Variants in SH3BGRL2 observed in about 807,000 individuals in gnomAD.
SH3BGRL2 encodes the protein SH3 domain binding glutamate rich protein like 2, also known as SH3 domain-binding glutamic acid-rich-like protein 2.
Under a neutral mutation model 14.8 loss-of-function variants are expected in SH3BGRL2, and 21 were observed. That is an observed-to-expected ratio of 1.42 (90% confidence interval 1.01 to 2.05). The LOEUF (loss-of-function observed/expected upper bound fraction) is 2.05. SH3BGRL2 is among the 30% of genes most tolerant of loss of function. SH3BGRL2 has a pLI of 0.00. For missense variants in SH3BGRL2, 147 were observed against 130.8 expected, an observed-to-expected ratio of 1.12 and a Z score of -0.61; for synonymous variants, 50 against 47.8, an observed-to-expected ratio of 1.05 and a Z score of -0.19.
At chr6:79,558,584 G>T in the SH3BGRL2 span, among the ~76,000 whole-genome samples, 307 of 152,142 alleles carry the variant, frequency 2.0e-3, 1 homozygote, top group African/African-American at 6.9e-3. Context: ...AGAAAGATTG[G>T]CCCGGTGCGG....
At chr6:79,682,383 T>C (rs944646512) in intron 2 of SH3BGRL2, among the ~76,000 whole-genome samples, 1 of 152,218 alleles carries the variant, frequency 6.6e-6, no homozygotes, top group Non-Finnish European at 1.5e-5. Flanking sequence ...TTCTTCATGC[T>C]TCAAAACAGA....
the SH3BGRL2 span, among the ~76,000 whole-genome samples, chr6:79,565,099 G>T: frequency 6.6e-6 from 1 of 152,088 alleles, no homozygotes; most frequent in East Asian, 1.9e-4. Flanking sequence ...CTCCACAAGA[G>T]AAAGAGAATG....
chr6:79,693,752 C>T (rs978835428), intron 2 of SH3BGRL2, among the ~76,000 whole-genome samples: 6 of 152,190 alleles, frequency 3.9e-5, no homozygotes, highest in African/African-American at 9.6e-5. Flanking sequence ...CTGCTGGATT[C>T]GGTTTATCAA....
At chr6:79,581,043 A>G in the SH3BGRL2 span, among the ~76,000 whole-genome samples, 2 of 152,208 alleles carry the variant, frequency 1.3e-5, no homozygotes, top group Non-Finnish European at 2.9e-5. Context: ...ATCTACAAGA[A>G]ATGGATAAAT....
chr6:79,674,223 G>A (rs1582731833), intron 2 of SH3BGRL2, among the ~76,000 whole-genome samples: 1 of 151,910 alleles, frequency 6.6e-6, no homozygotes, highest in Non-Finnish European at 1.5e-5. Context: ...AGTAGAGGGG[G>A]ATAATTATCT....
the SH3BGRL2 span, among the ~76,000 whole-genome samples, chr6:79,611,271 A>G: frequency 5.9e-5 from 9 of 152,280 alleles, no homozygotes; most frequent in African/African-American, 2.2e-4. Flanking sequence ...GTGCCTAGCA[A>G]TATTCCTGAC....
chr6:79,582,231 A>G, the SH3BGRL2 span, among the ~76,000 whole-genome samples: 1 of 152,208 alleles, frequency 6.6e-6, no homozygotes, highest in South Asian at 2.1e-4. Context: ...TATAGATTCA[A>G]TGCCATCCCC....
chr6:79,586,802 C>T, the SH3BGRL2 span, among the ~76,000 whole-genome samples: 17 of 152,174 alleles, frequency 1.1e-4, no homozygotes, highest in Admixed American at 7.2e-4. Flanking sequence ...CACCCTTCTT[C>T]ACACTGCAAA....
the SH3BGRL2 span, among the ~76,000 whole-genome samples, chr6:79,588,180 C>G: frequency 6.6e-6 from 1 of 151,648 alleles, no homozygotes; most frequent in Admixed American, 6.6e-5. Context: ...GTAGTCCCAG[C>G]TACTCGGGAG....
chr6:79,540,396 C>G, the SH3BGRL2 span, among the ~76,000 whole-genome samples: 4 of 152,006 alleles, frequency 2.6e-5, no homozygotes, highest in East Asian at 1.9e-4. Flanking sequence ...GATCGCGCCA[C>G]TGCACTCCAG....
intron 1 of SH3BGRL2, among the ~76,000 whole-genome samples, chr6:79,657,506 A>T (rs1478502627): frequency 1.3e-5 from 2 of 152,206 alleles, no homozygotes; most frequent in African/African-American, 4.8e-5. Context: ...GAAGACGCTG[A>T]TTTTAGTCTT....
intron 1 of SH3BGRL2, among the ~76,000 whole-genome samples, chr6:79,635,741 C>A (rs1768909728): frequency 6.6e-6 from 1 of 152,170 alleles, no homozygotes. Context: ...TGGAAGCAAA[C>A]TTGGAAATCA....
the SH3BGRL2 span, among the ~76,000 whole-genome samples, chr6:79,608,266 C>T: frequency 0.013 from 2,054 of 152,250 alleles, 24 homozygotes; most frequent in Non-Finnish European, 0.022. Flanking sequence ...ACCATATCAG[C>T]ACCCTCCAGT....
chr6:79,636,045 G>A (rs1230070511), intron 1 of SH3BGRL2, among the ~76,000 whole-genome samples: 1 of 152,164 alleles, frequency 6.6e-6, no homozygotes, highest in Non-Finnish European at 1.5e-5. Context: ...TAATTCCTAA[G>A]TTACTCTAAT....
chr6:79,632,632 A>G (rs1300556835), intron 1 of SH3BGRL2, among the ~76,000 whole-genome samples: 1 of 152,236 alleles, frequency 6.6e-6, no homozygotes, highest in Non-Finnish European at 1.5e-5. Context: ...AAAGAAACCA[A>G]CACGATCATA....
At chr6:79,697,232 A>G (rs1220537513) in intron 3 of SH3BGRL2, among the ~76,000 whole-genome samples, 1 of 152,102 alleles carries the variant, frequency 6.6e-6, no homozygotes, top group Admixed American at 6.5e-5. Context: ...CTGATTATGA[A>G]AGTAGCCTAG....
chr6:79,548,182 TATC>T, the SH3BGRL2 span, among the ~76,000 whole-genome samples: 1 of 152,172 alleles, frequency 6.6e-6, no homozygotes, highest in African/African-American at 2.4e-5. Context: ...CGTAATTTTG[TATC>T]ATGAGTTTTC....
chr6:79,613,388 A>G, the SH3BGRL2 span, among the ~76,000 whole-genome samples: 1 of 152,170 alleles, frequency 6.6e-6, no homozygotes, highest in Non-Finnish European at 1.5e-5. Context: ...AGTGAAACAG[A>G]TTCACTTCTG....
chr6:79,579,229 G>A, the SH3BGRL2 span, among the ~76,000 whole-genome samples: 1 of 152,284 alleles, frequency 6.6e-6, no homozygotes, highest in South Asian at 2.1e-4. Context: ...CACACTGCAG[G>A]ATATTATCCA....
Sources: gnomAD v4.1 joint callset for allele counts (sites outside exome capture counted in the v4.1 genomes callset) on GRCh38, gnomAD v4.1.1 for gene constraint, MANE v1.5 for transcripts, NCBI Gene and HGNC (gene_info 2026-07-23, HGNC 2026-07-21) for gene names.